ADAD1: variants seen among roughly 807,000 people sequenced by gnomAD.
ADAD1 encodes the protein adenosine deaminase domain containing 1.
ADAD1 carries 46 observed loss-of-function variants against 66.8 expected under a neutral mutation model. That is an observed-to-expected ratio of 0.69 (90% confidence interval 0.54 to 0.88). The LOEUF is 0.88. ADAD1 is among the 40% of genes least tolerant of loss of function. ADAD1 has a pLI of 0.00. For synonymous variants in ADAD1, 248 were observed against 229.4 expected (o/e 1.08, Z -0.73); for missense variants, 617 against 681.8 (o/e 0.91, Z 1.06).
At chr4:122,419,783 A>T (rs553501029) in intron 11 of ADAD1, among the ~76,000 whole-genome samples, 2 of 152,206 alleles carry the variant, frequency 1.3e-5, no homozygotes, top group Non-Finnish European at 2.9e-5. Context: ...GGAAAATATC[A>T]TATGTTTATC....
At chr4:122,428,254 T>C (rs556162101) in intron 12 of ADAD1, among the ~76,000 whole-genome samples, 1 of 152,262 alleles carries the variant, frequency 6.6e-6, no homozygotes. Context: ...TTCTTAGATG[T>C]GATACCAAAA....
intron 7 of ADAD1, among the ~76,000 whole-genome samples, chr4:122,397,965 A>T (rs1432782656): frequency 1.3e-5 from 2 of 152,142 alleles, no homozygotes; most frequent in African/African-American, 4.8e-5. Context: ...CATATTTAAG[A>T]TGTATTATTA....
chr4:122,420,476 G>C (rs533893012), intron 11 of ADAD1, among the ~76,000 whole-genome samples: 5 of 152,320 alleles, frequency 3.3e-5, no homozygotes, highest in Non-Finnish European at 7.4e-5. Flanking sequence ...TCCAGGCCTA[G>C]ATTCAGAATT....
At chr4:122,409,374 A>T (rs1442236265) in intron 8 of ADAD1, among the ~76,000 whole-genome samples, 3 of 151,868 alleles carry the variant, frequency 2.0e-5, no homozygotes, top group Non-Finnish European at 4.4e-5. Context: ...ATTCTTTTTT[A>T]AATTTTATAA....
intron 8 of ADAD1, among the ~76,000 whole-genome samples, 184 bp downstream of exon 8, chr4:122,408,215 A>G (rs1323673451): frequency 2.0e-5 from 3 of 152,192 alleles, no homozygotes; most frequent in African/African-American, 7.2e-5. Context: ...TAGTAACGCC[A>G]ATGTCTACCC....
At chr4:122,402,651 T>A (rs1796032156) in intron 7 of ADAD1, among the ~76,000 whole-genome samples, 2 of 151,992 alleles carry the variant, frequency 1.3e-5, no homozygotes, top group South Asian at 4.1e-4. Flanking sequence ...TTTAGTCATT[T>A]AACATAATCC....
intron 5 of ADAD1, among the ~76,000 whole-genome samples, chr4:122,391,782 T>A (rs1415356856): frequency 6.6e-6 from 1 of 152,226 alleles, no homozygotes; most frequent in Non-Finnish European, 1.5e-5. Flanking sequence ...CAGTCTTAGC[T>A]CACTGCAACC....
rs541273976 is a variant in ADAD1, at chr4:122,406,854, T to A, written c.725-1054T>A. Among the ~76,000 whole-genome samples, 9 of 152,316 alleles carry A rather than the reference T, an allele frequency of 5.9e-5. No individual in the cohort carries two copies. The South Asian group carries it at 1.7e-3, about 28-fold the overall frequency. ...CGTTAGGGAGGGATTCTGCAACTGGTCTGCATGAGGTAAGCTTTTCTCTCA... is the reference window on the plus strand; with the variant it reads ...CGTTAGGGAGGGATTCTGCAACTGGACTGCATGAGGTAAGCTTTTCTCTCA... On this transcript the variant is annotated intron_variant, in intron 7 of 12. Coordinates refer to ENST00000296513, the MANE Select transcript of ADAD1 (RefSeq NM_139243.4).
chr4:122,395,752 A>ATCC (rs1434735780), intron 6 of ADAD1, among the ~76,000 whole-genome samples: 1 of 152,128 alleles, frequency 6.6e-6, no homozygotes, highest in East Asian at 1.9e-4. Flanking sequence ...ACTTAGAGCT[A>ATCC]TCCTCCTCCT....
intron 2 of ADAD1, 46 bp downstream of exon 2, chr4:122,379,491 C>G (rs1328973695): frequency 6.6e-6 from 1 of 152,564 alleles, no homozygotes; most frequent in Non-Finnish European, 1.5e-5. Context: ...AGCCCGGGTC[C>G]TGCAGGGGCG....
chr4:122,418,649 C>G (rs150585836), intron 11 of ADAD1, among the ~76,000 whole-genome samples: 53 of 152,200 alleles, frequency 3.5e-4, no homozygotes, highest in African/African-American at 1.3e-3. Flanking sequence ...ACCAAGAAGG[C>G]ACCTTAGCTG....
chr4:122,414,454 G>A (rs1796636814), intron 10 of ADAD1, among the ~76,000 whole-genome samples: 2 of 150,708 alleles, frequency 1.3e-5, no homozygotes, highest in African/African-American at 2.4e-5. Flanking sequence ...GTTTTCTTTT[G>A]TCACTCTTGT....
intron 10 of ADAD1, among the ~76,000 whole-genome samples, chr4:122,413,654 T>G (rs1796573499): frequency 6.6e-6 from 1 of 151,922 alleles, no homozygotes; most frequent in Non-Finnish European, 1.5e-5. Context: ...AGTGAAGAAA[T>G]CCACTTTAAA....
chr4:122,398,832 T>C (rs1314594585), intron 7 of ADAD1, among the ~76,000 whole-genome samples: 2 of 152,104 alleles, frequency 1.3e-5, no homozygotes. Context: ...TATTTTTTTT[T>C]TTCTTGCTGA....
In ADAD1 at chr4:122,380,245, C is replaced by G. The variant is rs13106984; in HGVS notation, c.172+4C>G. ...TCCAAGGTTACGCAAGTAACGGGTA[C>G]GACTTTTTTCATTTGTAACAATGAG... On this transcript the variant is annotated splice_donor_region_variant and intron_variant, in intron 3 of 12. Transcript: ENST00000296513. 2 of 1,600,138 alleles carry G rather than the reference C, an allele frequency of 1.2e-6. No homozygotes were observed. Among genetic ancestry groups the G allele is most frequent in the South Asian group, 2.3e-5 (2 of 88,224 alleles).
chr4:122,394,003 ATTTG>A (rs1443722002), intron 6 of ADAD1, among the ~76,000 whole-genome samples: 1 of 152,116 alleles, frequency 6.6e-6, no homozygotes, highest in African/African-American at 2.4e-5. Context: ...ATTTCAAATA[ATTTG>A]TTTATTTTGT....
intron 10 of ADAD1, 85 bp downstream of exon 10, chr4:122,412,894 A>G: frequency 8.6e-7 from 1 of 1,158,088 alleles, no homozygotes; most frequent in Non-Finnish European, 1.2e-6. Flanking sequence ...AATTAGTTTT[A>G]GTTTTTGCAT....
At chr4:122,379,655 C>T (rs931657014) in intron 2 of ADAD1, 4 of 155,646 alleles carry the variant, frequency 2.6e-5, no homozygotes, top group African/African-American at 7.2e-5. Context: ...TGCCCGTCTT[C>T]CCACATAGAG....
intron 5 of ADAD1, among the ~76,000 whole-genome samples, chr4:122,386,660 T>C (rs182854304): frequency 3.2e-4 from 49 of 152,362 alleles, no homozygotes; most frequent in Admixed American, 9.1e-4. Context: ...AGGGATTTTA[T>C]GGTTTTGGAT....
Sources: allele counts gnomAD v4.1 joint callset (sites outside exome capture counted in the v4.1 genomes callset), GRCh38; gene constraint gnomAD v4.1.1; transcripts MANE v1.5; gene names NCBI Gene and HGNC (gene_info 2026-07-23, HGNC 2026-07-21).